Variants in ZNF565 observed in about 807,000 individuals in gnomAD.
ZNF565 encodes the protein zinc finger protein 565.
In ZNF565, 27 loss-of-function variants were observed where a neutral mutation model predicts 39.4. That is an observed-to-expected ratio of 0.69 (90% CI 0.51 to 0.95). The LOEUF is 0.95. Among genes scored for constraint, ZNF565 ranks in the 40% least tolerant of loss-of-function variants. The pLI, the probability that ZNF565 is intolerant of heterozygous loss-of-function variation, is 0.00. For synonymous variants in ZNF565, 185 were observed against 216.6 expected (o/e 0.85, Z 1.28); for missense variants, 524 against 621.1 (o/e 0.84, Z 1.66).
intron 1 of ZNF565, chr19:36,238,135 ATAT>A (rs1977712510): frequency 6.0e-6 from 1 of 167,122 alleles, no homozygotes; most frequent in African/African-American, 2.4e-5. Flanking sequence ...ATGTAATACT[ATAT>A]ATCTGTAAAA....
chr19:36,227,669 C>T (rs910573930), intron 1 of ZNF565, among the ~76,000 whole-genome samples: 2 of 152,180 alleles, frequency 1.3e-5, no homozygotes, highest in African/African-American at 2.4e-5. Flanking sequence ...ATCCTCCCAC[C>T]TCAGCCTCTT....
chr19:36,208,179 A>C (rs1233117017), intron 1 of ZNF565, among the ~76,000 whole-genome samples: 3 of 151,798 alleles, frequency 2.0e-5, no homozygotes, highest in Non-Finnish European at 4.4e-5. Context: ...ATGTGAAACA[A>C]AATGTGAATT....
At chr19:36,241,973 A>C (rs1370831116) in intron 1 of ZNF565, among the ~76,000 whole-genome samples, 1 of 152,186 alleles carries the variant, frequency 6.6e-6, no homozygotes, top group Non-Finnish European at 1.5e-5. Context: ...CGATTTTGTA[A>C]ATATAATACC....
chr19:36,242,416 AT>A (rs1369434001), intron 1 of ZNF565, among the ~76,000 whole-genome samples: 2 of 148,864 alleles, frequency 1.3e-5, no homozygotes, highest in African/African-American at 2.5e-5. Context: ...TTCAAAAAAA[AT>A]AAAGAACAAC....
chr19:36,241,707 G>T (rs558127262), intron 1 of ZNF565, among the ~76,000 whole-genome samples: 1 of 147,014 alleles, frequency 6.8e-6, no homozygotes, highest in South Asian at 2.2e-4. Context: ...TAGGAGAATC[G>T]CTTGAACCCA....
intron 2 of ZNF565, among the ~76,000 whole-genome samples, chr19:36,198,221 T>C (rs1410129003): frequency 6.6e-6 from 1 of 152,046 alleles, no homozygotes; most frequent in Non-Finnish European, 1.5e-5. Flanking sequence ...ATAGCCAAGA[T>C]TTGGAATCAA....
chr19:36,209,596 G>A (rs573325855), intron 1 of ZNF565, among the ~76,000 whole-genome samples: 2 of 152,190 alleles, frequency 1.3e-5, no homozygotes, highest in South Asian at 2.1e-4. Context: ...CCTTTTGTCT[G>A]ATTCTGACTT....
intron 1 of ZNF565, chr19:36,237,002 G>A (rs759214480): frequency 6.2e-7 from 1 of 1,614,188 alleles, no homozygotes; most frequent in Non-Finnish European, 8.5e-7. Flanking sequence ...TGAATGTAAC[G>A]AATGTGGAAA....
In ZNF565 at chr19:36,245,124, G is replaced by A. The variant is rs561145924; in HGVS notation, c.55+352C>T. ...AGGGATCCACAGCCTGAGACCCGGC[G>A]AGCCTCGCTGCCCTTGCGAGAGCCA... On this transcript the variant is annotated intron_variant, in intron 1 of 4. Coordinates refer to the ZNF565 transcript ENST00000355114. This position sits in a 1 kb window ranked among gnomAD's most constrained non-coding sequence, Gnocchi z 4.4. Among the ~76,000 whole-genome samples the A allele has an allele frequency of 6.6e-6, 1 of 152,288 alleles. No individual in the cohort carries two copies. The highest frequency in any genetic ancestry group is 1.9e-4 in the East Asian group (1 of 5,176).
chr19:36,226,888 G>A (rs1326169191), intron 1 of ZNF565, among the ~76,000 whole-genome samples: 1 of 151,718 alleles, frequency 6.6e-6, no homozygotes, highest in Non-Finnish European at 1.5e-5. Flanking sequence ...GAGTTTGGGA[G>A]TTCAGCCTAA....
At chr19:36,235,216 A>G (rs1977598909) in intron 1 of ZNF565, among the ~76,000 whole-genome samples, 1 of 141,796 alleles carries the variant, frequency 7.1e-6, no homozygotes, top group Admixed American at 7.0e-5. Context: ...TCAAAAAAAA[A>G]AAAAGAAGAA....
At chr19:36,228,912 T>C (rs772947044) in intron 1 of ZNF565, 6 of 152,226 alleles carry the variant, frequency 3.9e-5, no homozygotes, top group African/African-American at 1.4e-4. Context: ...TGTAGACATA[T>C]AGAGTATTGC....
At chr19:36,203,823 C>T (rs781516215) in intron 1 of ZNF565, among the ~76,000 whole-genome samples, 3 of 152,078 alleles carry the variant, frequency 2.0e-5, no homozygotes, top group Non-Finnish European at 4.4e-5. Flanking sequence ...GTGATCCGCC[C>T]ACCTTGGCCT....
At chr19:36,230,430 A>T (rs543656582) in intron 1 of ZNF565, among the ~76,000 whole-genome samples, 2 of 152,332 alleles carry the variant, frequency 1.3e-5, no homozygotes, top group South Asian at 4.1e-4. Context: ...TCAGATAGTG[A>T]TAAGTGCTAT....
intron 1 of ZNF565, among the ~76,000 whole-genome samples, chr19:36,234,185 T>A (rs531308923): frequency 2.0e-5 from 3 of 151,928 alleles, no homozygotes; most frequent in Non-Finnish European, 4.4e-5. Flanking sequence ...CATGTTTCAG[T>A]GAGCACAGGG....
At chr19:36,198,358 T>G (rs1431644897) in intron 2 of ZNF565, among the ~76,000 whole-genome samples, 3 of 152,174 alleles carry the variant, frequency 2.0e-5, no homozygotes, top group Non-Finnish European at 4.4e-5. Context: ...GAGGTTATTA[T>G]GCTGCATGAA....
intron 2 of ZNF565, 100 bp downstream of exon 2, chr19:36,201,877 G>T: frequency 1.4e-6 from 2 of 1,420,370 alleles, no homozygotes; most frequent in Non-Finnish European, 2.0e-6. Flanking sequence ...TGGACCAACT[G>T]TGAGAAGGAT....
At position 36,231,302 on chromosome 19, in the gene ZNF565, C is replaced by A. The variant is rs376815656; in HGVS notation, c.55+14174G>T. 4.0e-3 allele frequency among the ~76,000 whole-genome samples: 605 copies of A among 152,196 alleles called. 7 individuals are homozygous for A. Among genetic ancestry groups the A allele is most frequent in the African/African-American group, 0.014 (586 of 41,516 alleles). On this transcript the variant is annotated intron_variant, in intron 1 of 4. Coordinates refer to the ZNF565 transcript ENST00000355114. Reference sequence around the variant, plus strand: ...GTGGCTCACCGCAGCCTCTGCCTCCCGGGTTCAAGTGATTCTCCTGCCTCA... The same window carrying A: ...GTGGCTCACCGCAGCCTCTGCCTCCAGGGTTCAAGTGATTCTCCTGCCTCA...
chr19:36,219,304 G>A (rs1348809652), upstream of ZNF565, among the ~76,000 whole-genome samples: 1 of 152,088 alleles, frequency 6.6e-6, no homozygotes, highest in Non-Finnish European at 1.5e-5. Context: ...TGGGACTACA[G>A]GTGTGTGCCA....
Sources: gnomAD v4.1 joint callset for allele counts (sites outside exome capture counted in the v4.1 genomes callset) on GRCh38, gnomAD v4.1.1 for gene constraint, Gnocchi (gnomAD v3.1) non-coding constraint, MANE v1.5 for transcripts, NCBI Gene and HGNC (gene_info 2026-07-23, HGNC 2026-07-21) for gene names.